CSGALNACT1: variants seen among roughly 807,000 people sequenced by gnomAD.
CSGALNACT1 encodes the protein beta4GalNAcT-1.
In CSGALNACT1, 52 loss-of-function variants were observed where a neutral mutation model predicts 51.0. The ratio of observed to expected loss-of-function variants is 1.02; its 90% CI spans 0.82 to 1.29. The LOEUF is 1.29. Among genes scored for constraint, CSGALNACT1 ranks in the 50% most tolerant of loss-of-function variants. The pLI is 0.00. For missense variants in CSGALNACT1, 935 were observed against 679.2 expected, an observed-to-expected ratio of 1.38 and a Z score of -4.19; for synonymous variants, 341 against 254.4, an observed-to-expected ratio of 1.34 and a Z score of -3.24.
chr8:19,500,982 G>A (rs2153985342), intron 4 of CSGALNACT1, among the ~76,000 whole-genome samples: 1 of 152,290 alleles, frequency 6.6e-6, no homozygotes, highest in East Asian at 1.9e-4. Flanking sequence ...GGGCACGGTG[G>A]CTCACGCCTG....
chr8:19,594,300 G>A (rs62494468), intron 2 of CSGALNACT1, among the ~76,000 whole-genome samples: 52,348 of 152,092 alleles, frequency 0.34, 9,665 homozygotes, highest in East Asian at 0.61. Context: ...CAAGGGAAGT[G>A]AGAGTCTCAA....
intron 3 of CSGALNACT1, among the ~76,000 whole-genome samples, chr8:19,571,623 T>C (rs927114127): frequency 6.6e-6 from 1 of 152,148 alleles, no homozygotes; most frequent in African/African-American, 2.4e-5. Context: ...TGAAAGTAAC[T>C]CTGGATGAAA....
chr8:19,449,912 G>C (rs934858611), intron 5 of CSGALNACT1, among the ~76,000 whole-genome samples: 7 of 151,504 alleles, frequency 4.6e-5, no homozygotes, highest in African/African-American at 1.7e-4. Flanking sequence ...CTATAGCTTT[G>C]TTATTATGAA....
At chr8:19,542,345 A>C (rs1467167081) in intron 3 of CSGALNACT1, among the ~76,000 whole-genome samples, 2 of 152,148 alleles carry the variant, frequency 1.3e-5, no homozygotes, top group African/African-American at 4.8e-5. Flanking sequence ...CTTAAGCCAT[A>C]ATAAGAAGGG....
chr8:19,525,016 C>G (rs940880314), intron 3 of CSGALNACT1, among the ~76,000 whole-genome samples: 16 of 152,154 alleles, frequency 1.1e-4, no homozygotes, highest in African/African-American at 3.9e-4. Flanking sequence ...GAAATAGTGC[C>G]TAGCACAAAC....
In CSGALNACT1 at chr8:19,461,746, C is replaced by A. The variant is rs763452258; in HGVS notation, c.635-3104G>T. On this transcript the variant is annotated intron_variant, in intron 4 of 9. Coordinates refer to ENST00000454498, the Ensembl canonical transcript of CSGALNACT1. The stretch of plus-strand genomic sequence containing the variant: ...CATGGAGGGCGTATCCGCACAGCGG[C>A]CACATTCACCATGGAGGGCGTATCT... 1.4e-3 allele frequency among the ~76,000 whole-genome samples: 201 copies of A among 140,488 alleles called. 3 individuals carry two copies. Among genetic ancestry groups the A allele is most frequent in the Non-Finnish European group, 2.3e-3 (145 of 63,944 alleles). 92.2% of individuals were successfully genotyped at this position (140,488 alleles called of 152,430 possible). A position where few individuals can be genotyped will look rare whatever the true frequency, so the allele number is the denominator to read the frequency against.
chr8:19,472,665 G>C (rs956294630), intron 4 of CSGALNACT1, among the ~76,000 whole-genome samples: 4 of 152,154 alleles, frequency 2.6e-5, no homozygotes, highest in Non-Finnish European at 5.9e-5. Context: ...CAATCAAAAG[G>C]ATGTTTTAAC....
At chr8:19,711,747 A>G (rs2062517201) in intron 1 of CSGALNACT1, among the ~76,000 whole-genome samples, 1 of 152,166 alleles carries the variant, frequency 6.6e-6, no homozygotes. Flanking sequence ...CTTCCATTCC[A>G]GCCTTCATTG....
intron 1 of CSGALNACT1, among the ~76,000 whole-genome samples, chr8:19,641,126 GTCTTT>G: frequency 7.9e-6 from 1 of 126,018 alleles, no homozygotes; most frequent in East Asian, 2.5e-4. Flanking sequence ...ATGGTGACTG[GTCTTT>G]TTTTTTTTTT....
At chr8:19,632,369 C>T (rs1265239020) in intron 1 of CSGALNACT1, among the ~76,000 whole-genome samples, 1 of 152,240 alleles carries the variant, frequency 6.6e-6, no homozygotes, top group Non-Finnish European at 1.5e-5. Context: ...TATCTATCTG[C>T]CGTTTACGGC....
At chr8:19,484,468 C>A (rs2072344342) in intron 4 of CSGALNACT1, among the ~76,000 whole-genome samples, 1 of 152,184 alleles carries the variant, frequency 6.6e-6, no homozygotes, top group Non-Finnish European at 1.5e-5. Flanking sequence ...AATGCACTCA[C>A]AGTTCCACAT....
intron 3 of CSGALNACT1, among the ~76,000 whole-genome samples, chr8:19,515,512 A>C (rs2079348057): frequency 6.6e-6 from 1 of 152,232 alleles, no homozygotes; most frequent in East Asian, 1.9e-4. Context: ...AAGAATTCTC[A>C]ATAGAAAAGC....
At chr8:19,436,782 A>C (rs770324625) in intron 6 of CSGALNACT1, among the ~76,000 whole-genome samples, 6 of 152,118 alleles carry the variant, frequency 3.9e-5, no homozygotes, top group Non-Finnish European at 7.4e-5. Context: ...ATGGTGGCAC[A>C]TGCTTGTAGT....
In CSGALNACT1 at chr8:19,441,985, A is replaced by C. The variant is rs1218387683; in HGVS notation, c.852-2054T>G. On this transcript the variant is annotated intron_variant, in intron 5 of 9. Transcript: ENST00000454498. ...TGAAAAAATGATCATCATCCCTGGC[A>C]ATCAGAGAAATGCAAATCAAAACCA... Among the ~76,000 whole-genome samples the C allele has an allele frequency of 5.9e-5, 9 of 152,328 alleles. No individual in the cohort carries two copies. In the East Asian group the frequency reaches 1.2e-3, roughly 20 times the overall value.
At chr8:19,453,931 G>C (rs1411340695) in intron 5 of CSGALNACT1, among the ~76,000 whole-genome samples, 1 of 146,492 alleles carries the variant, frequency 6.8e-6, no homozygotes, top group Non-Finnish European at 1.5e-5. Context: ...GGAAGGTAGG[G>C]AGGGAGGGAG....
intron 1 of CSGALNACT1, among the ~76,000 whole-genome samples, chr8:19,616,208 G>C (rs181046067): frequency 2.0e-5 from 3 of 152,250 alleles, no homozygotes; most frequent in Non-Finnish European, 2.9e-5. Flanking sequence ...ACTAGAAAAA[G>C]AAATACTCTG....
At chr8:19,428,227 A>G (rs2059084696) in intron 6 of CSGALNACT1, among the ~76,000 whole-genome samples, 1 of 152,200 alleles carries the variant, frequency 6.6e-6, no homozygotes, top group South Asian at 2.1e-4. Context: ...AGTCTGTATC[A>G]GTCTGTTTTC....
chr8:19,670,760 A>T (rs2154197720), intron 1 of CSGALNACT1, among the ~76,000 whole-genome samples: 1 of 152,084 alleles, frequency 6.6e-6, no homozygotes, highest in African/African-American at 2.4e-5. Context: ...ATATGTGCTT[A>T]AAGCATTTCT....
chr8:19,472,068 T>C (rs2068319703), intron 4 of CSGALNACT1, among the ~76,000 whole-genome samples: 2 of 152,218 alleles, frequency 1.3e-5, no homozygotes, highest in Admixed American at 1.3e-4. Flanking sequence ...GGTTAGAAAT[T>C]ACACTTGCAG....
Sources: allele counts gnomAD v4.1 joint callset (sites outside exome capture counted in the v4.1 genomes callset), GRCh38; gene constraint gnomAD v4.1.1; transcripts MANE v1.5; gene names NCBI Gene and HGNC (gene_info 2026-07-23, HGNC 2026-07-21).